The following PCNX1 variants were observed in gnomAD, a reference collection of about 807,000 sequenced individuals.
PCNX1 encodes pecanex 1, also known as pecanex-like protein 1.
In PCNX1, 78 loss-of-function variants were observed where a neutral mutation model predicts 242.2. The observed-to-expected ratio is 0.32, with a 90% CI of 0.27 to 0.39. The LOEUF (loss-of-function observed/expected upper bound fraction) is 0.39, where lower values mean the gene tolerates loss of function less well. Ranked by LOEUF, PCNX1 falls within the 10% of genes least tolerant of loss-of-function variation. The pLI, the probability that PCNX1 is intolerant of heterozygous loss-of-function variation, is 1.00. For missense variants in PCNX1, 2,581 were observed against 2,856.5 expected (o/e 0.90, Z 2.20); for synonymous variants, 1,024 against 1,032.9 (o/e 0.99, Z 0.17).
At chr14:71,064,235 A>G (rs988282897) in intron 26 of PCNX1, among the ~76,000 whole-genome samples, 1 of 152,072 alleles carries the variant, frequency 6.6e-6, no homozygotes, top group African/African-American at 2.4e-5. Context: ...CTAGTAATAC[A>G]TTTTGCTCAG....
chr14:70,974,950 T>G (rs2058650830), intron 5 of PCNX1, among the ~76,000 whole-genome samples: 1 of 152,214 alleles, frequency 6.6e-6, no homozygotes, highest in Admixed American at 6.5e-5. Context: ...ATTAAACCTT[T>G]TGTGGTATAT....
chr14:71,016,532 A>C (rs1014297036), intron 11 of PCNX1, among the ~76,000 whole-genome samples: 3 of 152,224 alleles, frequency 2.0e-5, no homozygotes, highest in Non-Finnish European at 2.9e-5. Context: ...TAAAAGGTCC[A>C]CTATCCAATC....
chr14:71,039,600 C>T (rs8016506), intron 19 of PCNX1, among the ~76,000 whole-genome samples: 55,631 of 151,996 alleles, frequency 0.37, 10,457 homozygotes, highest in East Asian at 0.62. Context: ...AACCCTGGTA[C>T]ATTGTGAGAA....
At chr14:71,109,239 G>A (rs2062703444) in intron 34 of PCNX1, among the ~76,000 whole-genome samples, 193 bp downstream of exon 34, 1 of 152,184 alleles carries the variant, frequency 6.6e-6, no homozygotes, top group African/African-American at 2.4e-5. Flanking sequence ...GGTGATATAT[G>A]TTCCTTGTTC....
At chr14:70,956,405 A>T (rs1244795121) in intron 2 of PCNX1, among the ~76,000 whole-genome samples, 1 of 151,876 alleles carries the variant, frequency 6.6e-6, no homozygotes, top group Non-Finnish European at 1.5e-5. Context: ...ATAAATAAAA[A>T]ATTAGCCGGG....
chr14:71,051,978 G>A lies in PCNX1; in HGVS notation c.4543G>A (p.Val1515Ile). 6.2e-7 allele frequency: 1 copy of A among 1,613,332 alleles called. No individual in the cohort carries two copies. Among genetic ancestry groups the A allele is most frequent in the Non-Finnish European group, 8.5e-7 (1 of 1,179,550 alleles). Residue 1515 changes from valine to isoleucine, a missense_variant, in exon 24 of 36, where the codon GTC becomes ATC. Physicochemically the swap from Val to Ile is conservative, Grantham distance 29. Around this residue, in one of 9 missense-constraint regions of PCNX1, gnomAD observed 99 missense variants for 147.3 expected, o/e 0.67. Coordinates refer to ENST00000304743, the MANE Select transcript of PCNX1 (RefSeq NM_014982.3). ...LGSAIFITSY[V>I]RPVKFWERDY... Reference sequence around the variant, plus strand: ...AAGTGCAATATTCATCACTTCATATGTCCGACCTGTGAAATTCTGGGAGAG... The same window carrying A: ...AAGTGCAATATTCATCACTTCATATATCCGACCTGTGAAATTCTGGGAGAG...
intron 30 of PCNX1, chr14:71,092,797 G>A (rs1224654206): frequency 6.6e-6 from 1 of 152,170 alleles, no homozygotes; most frequent in African/African-American, 2.4e-5. Flanking sequence ...TAAGCCTTGA[G>A]GGGAAAAGAT....
intron 2 of PCNX1, among the ~76,000 whole-genome samples, chr14:70,953,118 T>TA (rs1324614348): frequency 6.6e-6 from 1 of 150,824 alleles, no homozygotes; most frequent in Admixed American, 6.6e-5. Flanking sequence ...AAATAAAAAA[T>TA]AAAAAAAAAT....
At chr14:71,023,759 A>C (rs2060166834) in intron 13 of PCNX1, among the ~76,000 whole-genome samples, 1 of 152,132 alleles carries the variant, frequency 6.6e-6, no homozygotes, top group Non-Finnish European at 1.5e-5. Context: ...AATGGGATCC[A>C]ATTTTAGATG....
At chr14:71,019,191 G>A (rs762673964) in intron 12 of PCNX1, 29 bp downstream of exon 12, 11 of 1,551,950 alleles carry the variant, frequency 7.1e-6, no homozygotes, top group African/African-American at 1.4e-5. Flanking sequence ...TTCATGCTAC[G>A]GAATTATATT....
At chr14:71,068,592 G>GTGTC (rs2061512170) in intron 26 of PCNX1, among the ~76,000 whole-genome samples, 1 of 31,740 alleles carries the variant, frequency 3.2e-5, no homozygotes, top group South Asian at 1.1e-3. Flanking sequence ...ATGTACGTGC[G>GTGTC]TGTGTGTGTG....
intron 31 of PCNX1, 113 bp downstream of exon 31, chr14:71,102,333 G>T: frequency 1.5e-6 from 1 of 679,272 alleles, no homozygotes; most frequent in Non-Finnish European, 2.6e-6. Context: ...GAATACAGTG[G>T]CATGATCATG....
At chr14:71,026,056 C>G (rs554481029) in intron 13 of PCNX1, 61 bp from the exon 14 acceptor site, 18 of 1,042,864 alleles carry the variant, frequency 1.7e-5, no homozygotes, top group Non-Finnish European at 2.4e-5. Flanking sequence ...TCAGTGATAC[C>G]AGTAGTTATT....
At chr14:71,061,755 A>C (rs2061331448) in intron 26 of PCNX1, among the ~76,000 whole-genome samples, 1 of 152,180 alleles carries the variant, frequency 6.6e-6, no homozygotes, top group African/African-American at 2.4e-5. Flanking sequence ...AAAAATCAAC[A>C]TGGCTGTGGT....
intron 26 of PCNX1, among the ~76,000 whole-genome samples, chr14:71,065,040 C>T (rs1026714938): frequency 1.3e-5 from 2 of 152,190 alleles, no homozygotes; most frequent in Admixed American, 6.5e-5. Context: ...TGTGTTGGCT[C>T]CAAGTCTTTG....
chr14:70,939,925 T>C (rs1011737835), intron 1 of PCNX1, among the ~76,000 whole-genome samples: 1 of 152,222 alleles, frequency 6.6e-6, no homozygotes, highest in Admixed American at 6.5e-5. Context: ...GTTTAAAGTC[T>C]GTCTTATCAG....
intron 26 of PCNX1, among the ~76,000 whole-genome samples, chr14:71,067,914 C>T (rs1213249369): frequency 6.6e-6 from 1 of 151,332 alleles, no homozygotes; most frequent in African/African-American, 2.4e-5. Context: ...TTCAGTTTCA[C>T]AATTAAAAAA....
intron 32 of PCNX1, among the ~76,000 whole-genome samples, chr14:71,104,449 C>A (rs2062553014): frequency 6.6e-6 from 1 of 152,048 alleles, no homozygotes. Flanking sequence ...AGATTCTTTC[C>A]CCCTAAGAAA....
chr14:71,088,267 A>T, intron 28 of PCNX1, 63 bp from the exon 29 acceptor site: 1 of 905,050 alleles, frequency 1.1e-6, no homozygotes. Flanking sequence ...TATTATTTCG[A>T]TTTATGATTT....
Sources: allele counts gnomAD v4.1 joint callset (sites outside exome capture counted in the v4.1 genomes callset), GRCh38; gene constraint gnomAD v4.1.1; regional missense constraint gnomAD v4.1.1; transcripts MANE v1.5; gene names NCBI Gene and HGNC (gene_info 2026-07-23, HGNC 2026-07-21).